Variants in SLC4A4 observed in about 807,000 individuals in gnomAD.
The protein encoded by SLC4A4 is electrogenic sodium bicarbonate cotransporter 1.
SLC4A4 carries 27 observed loss-of-function variants against 111.5 expected under a neutral mutation model. That is an observed-to-expected ratio of 0.24 (90% CI 0.18 to 0.33). The LOEUF is 0.33. Ranked by LOEUF, SLC4A4 falls within the 10% of genes least tolerant of loss-of-function variation. SLC4A4 has a pLI of 1.00. For missense variants in SLC4A4, 909 were observed against 1,315.5 expected, an observed-to-expected ratio of 0.69 and a Z score of 4.78; for synonymous variants, 443 against 463.4, an observed-to-expected ratio of 0.96 and a Z score of 0.57.
At chr4:71,187,932 G>C (rs971818839) in intron 1 of SLC4A4, among the ~76,000 whole-genome samples, 2 of 152,214 alleles carry the variant, frequency 1.3e-5, no homozygotes, top group African/African-American at 4.8e-5. Context: ...CGCCAAAGGC[G>C]GGGGGTGAGT....
At chr4:71,089,296 G>A (rs535005436) in intron 1 of SLC4A4, among the ~76,000 whole-genome samples, 2 of 151,902 alleles carry the variant, frequency 1.3e-5, no homozygotes, top group Non-Finnish European at 2.9e-5. Context: ...TTGGCCATTT[G>A]TCTAATTTTT....
rs140558644 is a variant in SLC4A4 at position 71,451,367 on chromosome 4, A to G, written c.1322+66A>G. 358 of 1,016,796 alleles carry G rather than the reference A, an allele frequency of 3.5e-4. 2 individuals are homozygous for G. The African/African-American group carries it at 5.2e-3, about 15-fold the overall frequency. The allele number at this position is 1,016,796 out of a possible 1,614,324, so 63.0% of individuals were successfully genotyped here. On this transcript the variant is annotated intron_variant, in intron 11 of 25. Coordinates refer to ENST00000264485, the MANE Select transcript of SLC4A4 (RefSeq NM_001098484.3). ...CTTAAATGTAAATTTCCCTTCATCT[A>G]TCAACATATTATTCACTAGTTTGTT...
At chr4:71,073,850 G>A (rs992936595) in intron 1 of SLC4A4, among the ~76,000 whole-genome samples, 2 of 152,072 alleles carry the variant, frequency 1.3e-5, no homozygotes, top group African/African-American at 4.8e-5. Flanking sequence ...TTGAAAGGCT[G>A]AGGCGGGTTG....
chr4:71,346,761 T>C (rs1729367193), intron 4 of SLC4A4, among the ~76,000 whole-genome samples: 1 of 152,192 alleles, frequency 6.6e-6, no homozygotes, highest in Non-Finnish European at 1.5e-5. Context: ...GAAAATGATC[T>C]GTTTAAATGG....
At chr4:71,505,973 T>C (rs1318637138) in intron 16 of SLC4A4, among the ~76,000 whole-genome samples, 1 of 152,152 alleles carries the variant, frequency 6.6e-6, no homozygotes, top group African/African-American at 2.4e-5. Context: ...TTTGTTTTTG[T>C]CAGGTTTGTC....
At chr4:71,354,360 A>G (rs1279672894) in intron 5 of SLC4A4, among the ~76,000 whole-genome samples, 2 of 152,206 alleles carry the variant, frequency 1.3e-5, no homozygotes, top group Non-Finnish European at 2.9e-5. Flanking sequence ...ACATTTTCAA[A>G]ATGGCAATAA....
intron 18 of SLC4A4, among the ~76,000 whole-genome samples, chr4:71,537,427 ATATG>A (rs1249975396): frequency 4.8e-3 from 12 of 2,492 alleles, no homozygotes; most frequent in South Asian, 0.023. Context: ...ATATATACAT[ATATG>A]TGTGTGTGTG....
rs537424201 is a variant in SLC4A4, at chr4:71,382,796, G to C, written c.731-14781G>C. On this transcript the variant is annotated intron_variant, in intron 6 of 25. Coordinates refer to ENST00000264485, the MANE Select transcript of SLC4A4 (RefSeq NM_001098484.3). ...CCAGTCTCCAGAGAACCCACCTTGT[G>C]GGGTATCTAAACTCATTGTTCCACT... is the stretch of plus-strand genomic sequence containing the variant. 2.6e-3 allele frequency among the ~76,000 whole-genome samples: 397 copies of C among 152,248 alleles called. 1 individual carries two copies. The highest frequency in any genetic ancestry group is 9.0e-3 in the African/African-American group (373 of 41,538).
At chr4:71,520,115 C>T (rs899529138) in intron 16 of SLC4A4, among the ~76,000 whole-genome samples, 2 of 152,132 alleles carry the variant, frequency 1.3e-5, no homozygotes, top group South Asian at 2.1e-4. Flanking sequence ...ATACATAAGA[C>T]AGGCTTTTAT....
At chr4:71,364,270 T>C (rs1731049247) in intron 6 of SLC4A4, among the ~76,000 whole-genome samples, 1 of 152,226 alleles carries the variant, frequency 6.6e-6, no homozygotes, top group Non-Finnish European at 1.5e-5. Flanking sequence ...GCAATTTACA[T>C]AATCTCTTTG....
At chr4:71,551,105 G>A (rs1477874794) in intron 20 of SLC4A4, among the ~76,000 whole-genome samples, 1 of 151,822 alleles carries the variant, frequency 6.6e-6, no homozygotes, top group Non-Finnish European at 1.5e-5. Flanking sequence ...GGAAACTAGA[G>A]GAGGCTAAAG....
At chr4:71,100,580 T>C (rs1742698333) in intron 2 of SLC4A4, among the ~76,000 whole-genome samples, 1 of 152,088 alleles carries the variant, frequency 6.6e-6, no homozygotes, top group Admixed American at 6.6e-5. Context: ...CAACATAGTA[T>C]TGTAAGGTCT....
chr4:71,118,150 TAC>T (rs1411179412), intron 2 of SLC4A4, among the ~76,000 whole-genome samples: 1 of 152,228 alleles, frequency 6.6e-6, no homozygotes, highest in Non-Finnish European at 1.5e-5. Flanking sequence ...GTGCTGGGAT[TAC>T]AGACATGAGC....
In SLC4A4 at chr4:71,259,162, T is replaced by C. The variant is rs118042059; in HGVS notation, c.253+3763T>C. On this transcript the variant is annotated intron_variant, in intron 3 of 25. Coordinates refer to ENST00000264485, the MANE Select transcript of SLC4A4 (RefSeq NM_001098484.3). Reference sequence around the variant, plus strand: ...CTCTACAAAAACATGAAAGGGCATTTATAAGAAGTAAACGAAATATCTTCC... The same window carrying C: ...CTCTACAAAAACATGAAAGGGCATTCATAAGAAGTAAACGAAATATCTTCC... Among the ~76,000 whole-genome samples the C allele has an allele frequency of 4.6e-5, 7 of 152,264 alleles. No individual in the cohort carries two copies. The East Asian group carries it at 1.4e-3, about 29-fold the overall frequency.
intron 8 of SLC4A4, among the ~76,000 whole-genome samples, chr4:71,442,495 G>A (rs977537805): frequency 1.3e-5 from 2 of 152,170 alleles, no homozygotes; most frequent in Non-Finnish European, 2.9e-5. Context: ...TAATCACTGA[G>A]TAGGGAGTCT....
chr4:71,569,938 A>G lies in SLC4A4; in HGVS notation c.*2187A>G, dbSNP rs563345638. On this transcript the variant is annotated 3_prime_UTR_variant, in exon 26 of 26. Transcript: ENST00000264485. ...CTCACTTGCCAAATTCTGGCTTCAC[A>G]TTTGTATTTAGGGCTATCCTTAAAA... 4 of 151,820 alleles carry G rather than the reference A, an allele frequency of 2.6e-5. No individual in the cohort carries two copies. Among genetic ancestry groups the G allele is most frequent in the East Asian group, 3.9e-4 (2 of 5,134 alleles). The allele number at this position is 151,820 out of a possible 1,614,324, so 9.4% of individuals were successfully genotyped here.
intron 1 of SLC4A4, among the ~76,000 whole-genome samples, chr4:71,195,015 G>A (rs1300707442): frequency 1.3e-5 from 2 of 152,074 alleles, no homozygotes; most frequent in Non-Finnish European, 2.9e-5. Context: ...TCAAAAAGTG[G>A]TTTGGAGGCA....
intron 3 of SLC4A4, among the ~76,000 whole-genome samples, chr4:71,308,867 C>A (rs1250213371): frequency 1.3e-5 from 2 of 152,064 alleles, no homozygotes; most frequent in African/African-American, 2.4e-5. Context: ...CCTAGGAACC[C>A]CAGTGAGACA....
chr4:71,100,503 A>G (rs1312734077), intron 2 of SLC4A4, among the ~76,000 whole-genome samples: 1 of 152,210 alleles, frequency 6.6e-6, no homozygotes, highest in Non-Finnish European at 1.5e-5. Flanking sequence ...CTGGATGGGC[A>G]AAAGCTGGAA....
Sources: allele counts gnomAD v4.1 joint callset (sites outside exome capture counted in the v4.1 genomes callset), GRCh38; gene constraint gnomAD v4.1.1; transcripts MANE v1.5; gene names NCBI Gene and HGNC (gene_info 2026-07-23, HGNC 2026-07-21).